The following DRAM1 variants were observed in gnomAD, a reference collection of about 807,000 sequenced individuals.
DRAM1 encodes DNA damage-regulated autophagy modulator protein 1.
DRAM1 carries 25 observed loss-of-function variants against 28.5 expected under a neutral mutation model. The ratio of observed to expected loss-of-function variants is 0.88; its 90% CI spans 0.64 to 1.23. The LOEUF (loss-of-function observed/expected upper bound fraction) is 1.23. Among genes scored for constraint, DRAM1 ranks in the 50% most tolerant of loss-of-function variants. The pLI is 0.00. For missense variants in DRAM1, 249 were observed against 299.2 expected (o/e 0.83, Z 1.24); for synonymous variants, 113 against 114.2 (o/e 0.99, Z 0.07).
chr12:101,918,572 C>T (rs180888481), intron 5 of DRAM1, among the ~76,000 whole-genome samples: 76 of 152,292 alleles, frequency 5.0e-4, no homozygotes, highest in African/African-American at 1.4e-3. Flanking sequence ...TGCCTCCACT[C>T]GATCTGTCTG....
At chr12:101,912,082 C>T (rs1186587239) in intron 4 of DRAM1, among the ~76,000 whole-genome samples, 2 of 151,990 alleles carry the variant, frequency 1.3e-5, no homozygotes, top group Non-Finnish European at 2.9e-5. Flanking sequence ...ACCTGTAATC[C>T]CAGCTGCTGA....
At chr12:101,892,819 G>A (rs1019403110) in intron 1 of DRAM1, among the ~76,000 whole-genome samples, 1 of 151,972 alleles carries the variant, frequency 6.6e-6, no homozygotes, top group East Asian at 1.9e-4. Context: ...GATAGATTTG[G>A]GAATTTGTGA....
intron 3 of DRAM1, among the ~76,000 whole-genome samples, chr12:101,905,757 T>TTTTATTTATTTATTTA (rs141269206): frequency 1.9e-3 from 287 of 147,526 alleles, no homozygotes; most frequent in Admixed American, 4.9e-3. Flanking sequence ...GCCCATCTGA[T>TTTTATTTATTTATTTA]TTTATTTATT....
rs147053460 is a variant in DRAM1 at position 101,879,378 on chromosome 12, A to G, written c.131+1458A>G. Among the ~76,000 whole-genome samples the G allele has an allele frequency of 4.7e-4, 71 of 152,334 alleles. 1 individual carries two copies. Among genetic ancestry groups the G allele is most frequent in the African/African-American group, 1.7e-3 (69 of 41,582 alleles). On this transcript the variant is annotated intron_variant, in intron 1 of 6. Transcript: ENST00000258534. ...GCAGTAATGATGGTGGTTTTTGCCT[A>G]TGAAAGGAGATGTTATGTATATCAA...
chr12:101,913,728 A>G (rs1280954527), intron 4 of DRAM1, among the ~76,000 whole-genome samples: 4 of 149,070 alleles, frequency 2.7e-5, no homozygotes, highest in East Asian at 3.9e-4. Context: ...AAAAAAAAAA[A>G]GGAAAGGAAA....
At chr12:101,918,699 C>T (rs925235949) in intron 5 of DRAM1, among the ~76,000 whole-genome samples, 1 of 152,138 alleles carries the variant, frequency 6.6e-6, no homozygotes, top group Non-Finnish European at 1.5e-5. Flanking sequence ...GGGCTCAGCC[C>T]TCAACAGCAC....
intron 5 of DRAM1, among the ~76,000 whole-genome samples, chr12:101,918,167 T>G (rs1874329793): frequency 6.6e-6 from 1 of 152,246 alleles, no homozygotes; most frequent in Non-Finnish European, 1.5e-5. Flanking sequence ...CAAACTTCTG[T>G]GTAGTGCTTT....
At chr12:101,916,340 C>T (rs1357955518) in intron 5 of DRAM1, among the ~76,000 whole-genome samples, 4 of 152,152 alleles carry the variant, frequency 2.6e-5, no homozygotes, top group Admixed American at 2.0e-4. Context: ...CAGTAAGATC[C>T]TGCCTCTACA....
At chr12:101,913,039 AT>A (rs1874103506) in intron 4 of DRAM1, among the ~76,000 whole-genome samples, 1 of 151,944 alleles carries the variant, frequency 6.6e-6, no homozygotes, top group Non-Finnish European at 1.5e-5. Flanking sequence ...AACATTTTGA[AT>A]TTCTAATATT....
At chr12:101,891,385 T>C (rs911330942) in intron 1 of DRAM1, among the ~76,000 whole-genome samples, 3 of 152,214 alleles carry the variant, frequency 2.0e-5, no homozygotes, top group African/African-American at 7.2e-5. Context: ...CTTTGGAATA[T>C]TTAAATCCTG....
intron 4 of DRAM1, among the ~76,000 whole-genome samples, chr12:101,908,699 G>C (rs898033164): frequency 2.0e-5 from 3 of 151,962 alleles, no homozygotes; most frequent in African/African-American, 7.3e-5. Flanking sequence ...ATCAGATATT[G>C]AGTGTGATCA....
intron 5 of DRAM1, among the ~76,000 whole-genome samples, chr12:101,917,299 C>A (rs1250896897): frequency 6.6e-6 from 1 of 152,028 alleles, no homozygotes; most frequent in African/African-American, 2.4e-5. Flanking sequence ...GCAGGATTTC[C>A]CAATATGGAG....
rs1027677814 is a variant in DRAM1 at position 101,895,424 on chromosome 12, C to T, written c.132-2439C>T. ...AACTCCTGAGCTCAAGTGATCTTCC[C>T]GCCTCGGCCCACAGAAGTCCTGGAA... On this transcript the variant is annotated intron_variant, in intron 1 of 6. Transcript: ENST00000258534. 4.0e-5 allele frequency among the ~76,000 whole-genome samples: 6 copies of T among 150,870 alleles called. No individual in the cohort carries two copies. In the East Asian group the frequency reaches 9.8e-4, roughly 25 times the overall value.
intron 1 of DRAM1, among the ~76,000 whole-genome samples, chr12:101,882,300 C>T (rs61935794): frequency 0.086 from 13,014 of 150,470 alleles, 788 homozygotes; most frequent in Middle Eastern, 0.18. Flanking sequence ...TTAGTAGAGA[C>T]GGGGTTTCAC....
chr12:101,877,937 G>C lies in DRAM1; in HGVS notation c.131+17G>C. ...GTATATCAGGTGAGTGGCAGGGTGG[G>C]CGTCAGGGCCCCAGGAGCAGGCACA... On this transcript the variant is annotated intron_variant, in intron 1 of 6. Transcript: ENST00000258534. This position sits in a 1 kb window ranked among gnomAD's most constrained non-coding sequence, Gnocchi z 4.1. 1 of 1,517,468 alleles carries C rather than the reference G, an allele frequency of 6.6e-7. No homozygotes were observed. The highest frequency in any genetic ancestry group is 8.9e-7 in the Non-Finnish European group (1 of 1,127,180). The allele number at this position is 1,517,468 out of a possible 1,614,324, so 94.0% of individuals were successfully genotyped here. A position where few individuals can be genotyped will look rare whatever the true frequency, so the allele number is the denominator to read the frequency against.
Position 101,921,940 on chromosome 12 carries a change from T to G in DRAM1, c.*680T>G, listed in dbSNP as rs1423834914. 1 of 152,268 alleles carries G rather than the reference T, an allele frequency of 6.6e-6. No individual in the cohort carries two copies. Among genetic ancestry groups the G allele is most frequent in the African/African-American group, 2.4e-5 (1 of 41,462 alleles). The allele number at this position is 152,268 out of a possible 1,614,324, so 9.4% of individuals were successfully genotyped here. ...TTCTCCCTGCTCATGAGGTCGCACC[T>G]TTTGCTCTTGCTGCTAATTGCCCAT... On this transcript the variant is annotated 3_prime_UTR_variant, in exon 7 of 7. Coordinates refer to ENST00000258534, the MANE Select transcript of DRAM1 (RefSeq NM_018370.3).
intron 1 of DRAM1, chr12:101,889,984 C>G (rs1001334737): frequency 4.7e-6 from 2 of 426,670 alleles, no homozygotes; most frequent in African/African-American, 4.3e-5. Flanking sequence ...TGAGTACTTT[C>G]TAATGTTGTG....
intron 2 of DRAM1, among the ~76,000 whole-genome samples, chr12:101,899,374 A>G (rs924056466): frequency 6.6e-6 from 1 of 152,170 alleles, no homozygotes; most frequent in Non-Finnish European, 1.5e-5. Context: ...ATTCATTTGA[A>G]ATAGTCTATG....
intron 1 of DRAM1, chr12:101,890,142 G>A (rs572478763): frequency 7.3e-5 from 32 of 438,982 alleles, no homozygotes; most frequent in African/African-American, 3.7e-4. Flanking sequence ...GCAGTGGCAC[G>A]ATCTTGGCTC....
Sources: gnomAD v4.1 joint callset for allele counts (sites outside exome capture counted in the v4.1 genomes callset) on GRCh38, gnomAD v4.1.1 for gene constraint, Gnocchi (gnomAD v3.1) non-coding constraint, MANE v1.5 for transcripts, NCBI Gene and HGNC (gene_info 2026-07-23, HGNC 2026-07-21) for gene names.